Variants in CD44 observed in about 807,000 individuals in gnomAD.
The protein encoded by CD44 is CD44 molecule (IN blood group).
A neutral mutation model predicts 88.8 loss-of-function variants in CD44; 49 were observed. The ratio of observed to expected loss-of-function variants is 0.55; its 90% CI spans 0.44 to 0.70. The LOEUF (loss-of-function observed/expected upper bound fraction) is 0.70. Among genes scored for constraint, CD44 ranks in the 30% least tolerant of loss-of-function variants. The pLI is 0.00. For synonymous variants in CD44, 325 were observed against 312.3 expected (o/e 1.04, Z -0.43); for missense variants, 883 against 913.8 (o/e 0.97, Z 0.43).
intron 5 of CD44, among the ~76,000 whole-genome samples, chr11:35,194,769 A>G (rs77935493): frequency 3.3e-3 from 504 of 152,306 alleles, no homozygotes; most frequent in African/African-American, 0.011. Flanking sequence ...AATCAGAATG[A>G]TTTTTCCATC....
chr11:35,195,461 AT>A (rs1307208393), intron 5 of CD44, among the ~76,000 whole-genome samples: 3 of 152,096 alleles, frequency 2.0e-5, no homozygotes, highest in African/African-American at 4.8e-5. Flanking sequence ...AGACAATGCT[AT>A]TTTTAAATGT....
intron 15 of CD44, 43 bp from the exon 16 acceptor site, chr11:35,219,273 C>A: frequency 6.8e-7 from 1 of 1,467,842 alleles, no homozygotes; most frequent in Non-Finnish European, 9.6e-7. Flanking sequence ...CTCATGGTTA[C>A]ACATTTCAAA....
At chr11:35,217,882 C>T (rs1383845543) in intron 15 of CD44, among the ~76,000 whole-genome samples, 1 of 152,136 alleles carries the variant, frequency 6.6e-6, no homozygotes, top group Non-Finnish European at 1.5e-5. Context: ...ATTCATGAAG[C>T]TTTCATTTTG....
At chr11:35,218,356 G>C (rs1949008316) in intron 15 of CD44, among the ~76,000 whole-genome samples, 1 of 152,180 alleles carries the variant, frequency 6.6e-6, no homozygotes. Context: ...GTGAGGTGGA[G>C]TCTCGCTCTG....
intron 3 of CD44, among the ~76,000 whole-genome samples, chr11:35,181,847 AT>A (rs1328848575): frequency 1.2e-5 from 1 of 82,912 alleles, no homozygotes; most frequent in Admixed American, 1.8e-4. Flanking sequence ...TAAAAATTAT[AT>A]TTATATATAA....
intron 1 of CD44, among the ~76,000 whole-genome samples, chr11:35,171,890 C>T (rs1373709746): frequency 6.6e-6 from 1 of 151,388 alleles, no homozygotes; most frequent in African/African-American, 2.4e-5. Flanking sequence ...AAGGTGGATG[C>T]CTAATGGCTT....
intron 1 of CD44, among the ~76,000 whole-genome samples, chr11:35,159,501 A>AC (rs1383827507): frequency 6.6e-6 from 1 of 152,012 alleles, no homozygotes; most frequent in African/African-American, 2.4e-5. Context: ...AAACTATGAG[A>AC]CCCCTTTGCA....
At chr11:35,206,846 A>C (rs908347482) in intron 11 of CD44, among the ~76,000 whole-genome samples, 2 of 152,262 alleles carry the variant, frequency 1.3e-5, no homozygotes, top group Non-Finnish European at 2.9e-5. Flanking sequence ...GACCCAGCAC[A>C]CATGAGTTTG....
At chr11:35,191,592 G>T (rs920237796) in intron 5 of CD44, among the ~76,000 whole-genome samples, 1 of 152,142 alleles carries the variant, frequency 6.6e-6, no homozygotes, top group African/African-American at 2.4e-5. Context: ...AATTTTGTCG[G>T]ATGTTAGCGA....
chr11:35,181,454 G>A (rs1052131634), intron 3 of CD44, among the ~76,000 whole-genome samples: 3 of 151,570 alleles, frequency 2.0e-5, no homozygotes. Context: ...CAAATATCTC[G>A]ATGCCAACTA....
At chr11:35,179,198 C>T (rs1319943169) in intron 2 of CD44, among the ~76,000 whole-genome samples, 1 of 152,142 alleles carries the variant, frequency 6.6e-6, no homozygotes, top group East Asian at 1.9e-4. Context: ...CAGGGTGATG[C>T]ACTCCATGCT....
chr11:35,203,334 C>T (rs1018685772), intron 9 of CD44, among the ~76,000 whole-genome samples: 12 of 152,136 alleles, frequency 7.9e-5, no homozygotes, highest in African/African-American at 2.9e-4. Context: ...CACACACATA[C>T]ACTTCCTTAT....
intron 1 of CD44, among the ~76,000 whole-genome samples, chr11:35,166,044 T>C (rs895047582): frequency 6.6e-6 from 1 of 152,000 alleles, no homozygotes; most frequent in African/African-American, 2.4e-5. Flanking sequence ...GAAAAAAAAA[T>C]ACAATGACAA....
chr11:35,160,597 A>G (rs1942475110), intron 1 of CD44, among the ~76,000 whole-genome samples: 1 of 152,218 alleles, frequency 6.6e-6, no homozygotes, highest in South Asian at 2.1e-4. Context: ...GTTGGCTGGG[A>G]CTTAGAGATA....
At chr11:35,153,948 C>T (rs1294081649) in intron 1 of CD44, among the ~76,000 whole-genome samples, 2 of 152,158 alleles carry the variant, frequency 1.3e-5, no homozygotes, top group East Asian at 3.8e-4. Context: ...AAATTTTACT[C>T]CTCAAAATTC....
rs1166394605 is a variant in CD44, at chr11:35,207,608, A to AG, written c.1415-495dup. On this transcript the variant is annotated intron_variant, in intron 11 of 17. Coordinates refer to ENST00000428726, the MANE Select transcript of CD44 (RefSeq NM_000610.4). ...CTGTATACTTTCTGTAACTCCACCTAGGTGGTCTTGGATGACGATTCTGTT... is the reference window on the plus strand; with the variant it reads ...CTGTATACTTTCTGTAACTCCACCTAGGGTGGTCTTGGATGACGATTCTGTT... Among the ~76,000 whole-genome samples, 4 of 152,260 alleles carry AG rather than the reference A, an allele frequency of 2.6e-5. No homozygotes were observed. In the East Asian group the frequency reaches 7.7e-4, roughly 29 times the overall value.
intron 10 of CD44, 30 bp downstream of exon 10, chr11:35,204,670 A>G (rs764750196): frequency 1.2e-6 from 2 of 1,606,112 alleles, no homozygotes; most frequent in African/African-American, 2.7e-5. Flanking sequence ...GTAAATTTGG[A>G]TGGAAACTTC....
intron 17 of CD44, among the ~76,000 whole-genome samples, chr11:35,228,078 T>C (rs1417617800): frequency 1.3e-5 from 2 of 152,214 alleles, no homozygotes; most frequent in Admixed American, 6.5e-5. Context: ...TATGCAACTT[T>C]CCTTCCTCTA....
intron 1 of CD44, among the ~76,000 whole-genome samples, chr11:35,167,065 A>T (rs1565046876): frequency 6.6e-6 from 1 of 152,224 alleles, no homozygotes. Flanking sequence ...AAAGACTCCC[A>T]GATGAAAACT....
Sources: allele counts gnomAD v4.1 joint callset (sites outside exome capture counted in the v4.1 genomes callset), GRCh38; gene constraint gnomAD v4.1.1; transcripts MANE v1.5; gene names NCBI Gene and HGNC (gene_info 2026-07-23, HGNC 2026-07-21).